The following CHRDL1 variants were observed in gnomAD, a reference collection of about 807,000 sequenced individuals.
CHRDL1 encodes chordin like 1, also known as chordin-like protein 1.
CHRDL1 carries 19 observed loss-of-function variants against 40.9 expected under a neutral mutation model. The ratio of observed to expected loss-of-function variants is 0.46; its 90% CI spans 0.32 to 0.68. The LOEUF is 0.68. CHRDL1 is among the 30% of genes least tolerant of loss of function. The pLI is 0.03. For synonymous variants in CHRDL1, 136 were observed against 123.4 expected, an observed-to-expected ratio of 1.10 and a Z score of -0.68; for missense variants, 329 against 352.1, an observed-to-expected ratio of 0.93 and a Z score of 0.53.
intron 4 of CHRDL1, among the ~76,000 whole-genome samples, chrX:110,755,627 C>T (rs924672696): frequency 4.5e-5 from 5 of 112,115 alleles, no homozygotes; most frequent in African/African-American, 1.6e-4. Flanking sequence ...TATGTAAAGC[C>T]AGTATCTGGG....
At chrX:110,679,630 C>T (rs765034714) in intron 10 of CHRDL1, among the ~76,000 whole-genome samples, 2 of 112,063 alleles carry the variant, frequency 1.8e-5, no homozygotes, top group South Asian at 7.5e-4. Context: ...ACTGGCTTCC[C>T]CTCGGCTTCT....
At chrX:110,686,933 A>G (rs1164299526) in intron 9 of CHRDL1, among the ~76,000 whole-genome samples, 1 of 106,936 alleles carries the variant, frequency 9.4e-6, no homozygotes, top group Non-Finnish European at 1.9e-5. Flanking sequence ...TTCTCTCTGT[A>G]TTCGTAATAA....
chrX:110,727,530 CAAGA>C (rs2071079930), intron 4 of CHRDL1, among the ~76,000 whole-genome samples: 1 of 111,464 alleles, frequency 9.0e-6, no homozygotes, highest in Non-Finnish European at 1.9e-5. Flanking sequence ...TATAAATTGA[CAAGA>C]AACAGATTCA....
chrX:110,786,373 C>G (rs1254572612), intron 2 of CHRDL1, among the ~76,000 whole-genome samples: 1 of 111,720 alleles, frequency 9.0e-6, no homozygotes, highest in Non-Finnish European at 1.9e-5. Flanking sequence ...GGCTATAAAT[C>G]TTAAATGGAT....
chrX:110,719,429 C>T lies in CHRDL1; in HGVS notation c.541+406G>A, dbSNP rs751525154. Among the ~76,000 whole-genome samples, 4 of 111,765 alleles carry T rather than the reference C, an allele frequency of 3.6e-5. No individual in the cohort carries two copies. In the East Asian group the frequency reaches 1.1e-3, roughly 31 times the overall value. On this transcript the variant is annotated intron_variant, in intron 6 of 11. Coordinates refer to ENST00000372042, the MANE Select transcript of CHRDL1 (RefSeq NM_001143981.2). ...AAAAAGTATACCTAAATTTGCCCTGCACAGTCTTCAAAATGGCCACATCAA... is the reference window on the plus strand; with the variant it reads ...AAAAAGTATACCTAAATTTGCCCTGTACAGTCTTCAAAATGGCCACATCAA...
At chrX:110,702,664 G>T (rs1236996341) in intron 6 of CHRDL1, among the ~76,000 whole-genome samples, 1 of 111,968 alleles carries the variant, frequency 8.9e-6, no homozygotes, top group African/African-American at 3.2e-5. Flanking sequence ...ATAAATACTT[G>T]TCAAATGATG....
chrX:110,745,682 A>G (rs1439578816), intron 4 of CHRDL1, among the ~76,000 whole-genome samples: 1 of 111,646 alleles, frequency 9.0e-6, no homozygotes, highest in Non-Finnish European at 1.9e-5. Context: ...TACTCATCAC[A>G]TTACATTTTA....
chrX:110,735,027 AT>A (rs11463780), intron 4 of CHRDL1, among the ~76,000 whole-genome samples: 5 of 109,777 alleles, frequency 4.6e-5, no homozygotes, highest in South Asian at 3.9e-4. Flanking sequence ...TGAGAACTAG[AT>A]TTTTTTTTGA....
At position 110,792,114 on chromosome X, in the gene CHRDL1, T is replaced by C; in HGVS notation, c.68A>G (p.Glu23Gly). The C allele has an allele frequency of 8.4e-7, 1 of 1,197,557 alleles. No homozygotes were observed. The highest frequency in any genetic ancestry group is 1.1e-6 in the Non-Finnish European group (1 of 884,602). Residue 23 changes from glutamate (E) to glycine (G), a missense_variant, in exon 2 of 12, where the codon GAA becomes GGA. Coordinates refer to ENST00000372042, the MANE Select transcript of CHRDL1 (RefSeq NM_001143981.2). ...TTTTACTTGCTCTGTTTTGCCTCCT[T>C]CTAGCAAAAGAAAGAACAACAACGA... ...IFSLLFFLLLEGGKTEQVKHS... is the reference protein window; with the variant it reads ...IFSLLFFLLLGGGKTEQVKHS...
chrX:110,762,601 T>G, intron 3 of CHRDL1, 94 bp downstream of exon 3: 1 of 520,284 alleles, frequency 1.9e-6, no homozygotes, highest in Non-Finnish European at 3.3e-6. Context: ...CTTTAAGGAT[T>G]TTATCATCCA....
intron 3 of CHRDL1, among the ~76,000 whole-genome samples, chrX:110,761,297 T>C (rs893825582): frequency 1.8e-5 from 2 of 111,825 alleles, no homozygotes; most frequent in Non-Finnish European, 3.8e-5. Flanking sequence ...CTCTTAATAC[T>C]GCCTGATGTT....
chrX:110,684,615 T>C (rs1269909370), intron 9 of CHRDL1, among the ~76,000 whole-genome samples: 1 of 112,887 alleles, frequency 8.9e-6, no homozygotes, highest in East Asian at 2.8e-4. Flanking sequence ...TCACTGTCTT[T>C]CTTTTCTGCT....
chrX:110,709,727 G>A (rs1300928114), intron 6 of CHRDL1, among the ~76,000 whole-genome samples: 2 of 112,270 alleles, frequency 1.8e-5, no homozygotes, highest in African/African-American at 6.5e-5. Context: ...AGTGCCCACT[G>A]AGCGCGGTGA....
intron 6 of CHRDL1, among the ~76,000 whole-genome samples, chrX:110,717,367 G>C (rs2070862198): frequency 8.9e-6 from 1 of 112,067 alleles, no homozygotes; most frequent in East Asian, 2.8e-4. Flanking sequence ...TGGGCCCTGA[G>C]GTGCATGAAT....
intron 4 of CHRDL1, among the ~76,000 whole-genome samples, chrX:110,741,802 T>A (rs1021141869): frequency 1.8e-5 from 2 of 111,827 alleles, no homozygotes; most frequent in African/African-American, 3.3e-5. Flanking sequence ...CACTCCTTCA[T>A]TTGGTGGCAC....
chrX:110,726,147 G>C (rs190485645), intron 4 of CHRDL1, among the ~76,000 whole-genome samples: 66 of 111,367 alleles, frequency 5.9e-4, no homozygotes, highest in African/African-American at 2.1e-3. Context: ...TGCAAGAGAA[G>C]ATAACTGAGC....
intron 2 of CHRDL1, among the ~76,000 whole-genome samples, chrX:110,768,950 A>T (rs2089709206): frequency 9.0e-6 from 1 of 110,869 alleles, no homozygotes; most frequent in Admixed American, 9.6e-5. Context: ...CTCCCAACTA[A>T]CTCAAACCAC....
At chrX:110,795,424 G>C (rs2090164871) in intron 1 of CHRDL1, among the ~76,000 whole-genome samples, 1 of 111,952 alleles carries the variant, frequency 8.9e-6, no homozygotes, top group South Asian at 3.7e-4. Flanking sequence ...GGGGACTGCA[G>C]AGTCCCTTGG....
At chrX:110,773,503 C>T (rs1384110150) in intron 2 of CHRDL1, among the ~76,000 whole-genome samples, 3 of 110,073 alleles carry the variant, frequency 2.7e-5, no homozygotes, top group Non-Finnish European at 5.7e-5. Context: ...CCGAGGCGGG[C>T]GAATCACGAG....
Sources: gnomAD v4.1 joint callset for allele counts (sites outside exome capture counted in the v4.1 genomes callset) on GRCh38, gnomAD v4.1.1 for gene constraint, MANE v1.5 for transcripts, NCBI Gene and HGNC (gene_info 2026-07-23, HGNC 2026-07-21) for gene names.